Variants in PRMT3 observed in about 807,000 individuals in gnomAD.
The protein encoded by PRMT3 is protein arginine N-methyltransferase 3.
PRMT3 carries 62 observed loss-of-function variants against 71.9 expected under a neutral mutation model. The ratio of observed to expected loss-of-function variants is 0.86; its 90% confidence interval spans 0.70 to 1.07. The LOEUF (loss-of-function observed/expected upper bound fraction) is 1.07, where lower values mean the gene tolerates loss of function less well. Ranked by LOEUF, PRMT3 falls within the 50% of genes least tolerant of loss-of-function variation. PRMT3 has a pLI of 0.00. For missense variants in PRMT3, 663 were observed against 643.0 expected (o/e 1.03, Z -0.34); for synonymous variants, 213 against 220.4 (o/e 0.97, Z 0.30).
intron 10 of PRMT3, among the ~76,000 whole-genome samples, chr11:20,440,692 T>C (rs1226594582): frequency 1.3e-5 from 2 of 152,038 alleles, no homozygotes; most frequent in Non-Finnish European, 2.9e-5. Flanking sequence ...AATAGTAATA[T>C]TAATTTTTCT....
chr11:20,485,404 C>G (rs1851047409), intron 13 of PRMT3, among the ~76,000 whole-genome samples: 1 of 152,038 alleles, frequency 6.6e-6, no homozygotes, highest in Non-Finnish European at 1.5e-5. Context: ...GCTCTAGGTG[C>G]TCCAGGAATT....
chr11:20,497,176 C>T (rs777453657), intron 15 of PRMT3, among the ~76,000 whole-genome samples: 1 of 142,396 alleles, frequency 7.0e-6, no homozygotes, highest in African/African-American at 2.6e-5. Context: ...TTTTCTCCTA[C>T]TTCATTACGA....
rs140659217 is a variant in PRMT3 at position 20,456,106 on chromosome 11, A to G, written c.1072+3898A>G. Among the ~76,000 whole-genome samples the G allele has an allele frequency of 5.4e-3, 822 of 152,332 alleles. 3 individuals are homozygous for G. The highest frequency in any genetic ancestry group is 8.7e-3 in the Non-Finnish European group (594 of 68,004). On this transcript the variant is annotated intron_variant, in intron 11 of 15. Transcript: ENST00000331079. The stretch of plus-strand genomic sequence containing the variant: ...TAAGCAAAGTCACAAGAGAAACTAC[A>G]TACTGAAAATAATTTTTCAATTTCT...
At chr11:20,488,804 T>C (rs1379964267) in intron 13 of PRMT3, among the ~76,000 whole-genome samples, 1 of 152,202 alleles carries the variant, frequency 6.6e-6, no homozygotes, top group African/African-American at 2.4e-5. Context: ...TCATTTTTTA[T>C]CCCAAATCAT....
intron 9 of PRMT3, among the ~76,000 whole-genome samples, chr11:20,415,175 A>G (rs955440900): frequency 6.6e-6 from 1 of 152,124 alleles, no homozygotes; most frequent in East Asian, 1.9e-4. Context: ...CCAAAGAGAA[A>G]TTTGAACCAC....
chr11:20,481,401 G>A (rs1434024285), intron 13 of PRMT3, among the ~76,000 whole-genome samples: 1 of 152,028 alleles, frequency 6.6e-6, no homozygotes, highest in African/African-American at 2.4e-5. Flanking sequence ...GATTTCTGTA[G>A]GATGAGCATC....
intron 11 of PRMT3, among the ~76,000 whole-genome samples, chr11:20,458,487 C>G (rs1850315749): frequency 6.6e-6 from 1 of 152,168 alleles, no homozygotes; most frequent in Non-Finnish European, 1.5e-5. Flanking sequence ...TAAGAGCATG[C>G]TTTTGTCCAA....
intron 13 of PRMT3, among the ~76,000 whole-genome samples, chr11:20,489,498 T>C (rs1252432887): frequency 6.6e-6 from 1 of 152,228 alleles, no homozygotes; most frequent in Non-Finnish European, 1.5e-5. Context: ...TTTATTCTTA[T>C]ATTTGAATGA....
At chr11:20,392,170 C>T in intron 3 of PRMT3, 41 bp from the exon 4 acceptor site, 1 of 1,548,654 alleles carries the variant, frequency 6.5e-7, no homozygotes, top group African/African-American at 1.4e-5. Flanking sequence ...AAACAAAACT[C>T]ATTATGTTAA....
intron 15 of PRMT3, among the ~76,000 whole-genome samples, chr11:20,505,777 C>A (rs1031264458): frequency 6.6e-6 from 1 of 151,098 alleles, no homozygotes; most frequent in East Asian, 1.9e-4. Context: ...GATAAGAAAA[C>A]GTGTATCATT....
chr11:20,428,980 A>T (rs1302079515), intron 10 of PRMT3, among the ~76,000 whole-genome samples: 1 of 152,186 alleles, frequency 6.6e-6, no homozygotes, highest in Non-Finnish European at 1.5e-5. Flanking sequence ...ACTTGTGGGC[A>T]TTGTCAAGTC....
chr11:20,393,563 A>T (rs1431786218), intron 5 of PRMT3, among the ~76,000 whole-genome samples: 1 of 152,214 alleles, frequency 6.6e-6, no homozygotes, highest in East Asian at 1.9e-4. Flanking sequence ...GCCCGAAAGA[A>T]GTATCCAGGT....
At chr11:20,419,935 G>A (rs1280813726) in intron 9 of PRMT3, among the ~76,000 whole-genome samples, 1 of 152,198 alleles carries the variant, frequency 6.6e-6, no homozygotes, top group African/African-American at 2.4e-5. Context: ...ACTTTGGGAG[G>A]TCAAGGTAGG....
chr11:20,468,950 C>G (rs1246793297), intron 13 of PRMT3, among the ~76,000 whole-genome samples: 2 of 152,126 alleles, frequency 1.3e-5, no homozygotes, highest in African/African-American at 4.8e-5. Flanking sequence ...CATTAACAGA[C>G]TTTATATTTT....
At chr11:20,428,897 A>G (rs1420072686) in intron 10 of PRMT3, among the ~76,000 whole-genome samples, 1 of 152,190 alleles carries the variant, frequency 6.6e-6, no homozygotes, top group Admixed American at 6.5e-5. Context: ...CCGAACAGGC[A>G]TGCTGAAATT....
intron 11 of PRMT3, among the ~76,000 whole-genome samples, chr11:20,457,018 C>T (rs757301895): frequency 9.9e-5 from 15 of 152,032 alleles, no homozygotes; most frequent in Non-Finnish European, 2.1e-4. Context: ...GAATTAGAGG[C>T]GCCCTGCCAC....
intron 10 of PRMT3, among the ~76,000 whole-genome samples, chr11:20,434,525 T>G (rs1030970331): frequency 6.6e-6 from 1 of 152,240 alleles, no homozygotes; most frequent in African/African-American, 2.4e-5. Flanking sequence ...CATTTAAGTC[T>G]TTAGCCCATC....
At chr11:20,451,413 A>G (rs1460215882) in intron 10 of PRMT3, among the ~76,000 whole-genome samples, 1 of 152,110 alleles carries the variant, frequency 6.6e-6, no homozygotes, top group East Asian at 1.9e-4. Context: ...GCTCATGCAC[A>G]TTATGAATCT....
chr11:20,483,847 T>G (rs7948220), intron 13 of PRMT3, among the ~76,000 whole-genome samples: 1 of 152,164 alleles, frequency 6.6e-6, no homozygotes, highest in Non-Finnish European at 1.5e-5. Flanking sequence ...TGGCTTCTTC[T>G]TGAAAGCCTT....
Sources: allele counts gnomAD v4.1 joint callset (sites outside exome capture counted in the v4.1 genomes callset), GRCh38; gene constraint gnomAD v4.1.1; transcripts MANE v1.5; gene names NCBI Gene and HGNC (gene_info 2026-07-23, HGNC 2026-07-21).